The following NREP variants were observed in gnomAD, a reference collection of about 807,000 sequenced individuals.
The protein encoded by NREP is neuronal regeneration related protein, also known as neuronal regeneration-related protein.
NREP carries 5 observed loss-of-function variants against 8.6 expected under a neutral mutation model. The observed-to-expected ratio is 0.58, with a 90% CI of 0.30 to 1.22. NREP has a LOEUF of 1.22. NREP is among the 50% of genes most tolerant of loss of function. The pLI is 0.07. For missense variants in NREP, 86 were observed against 82.5 expected, an observed-to-expected ratio of 1.04 and a Z score of -0.17; for synonymous variants, 27 against 28.0, an observed-to-expected ratio of 0.96 and a Z score of 0.11.
chr5:111,755,721 A>T (rs757378490), intron 2 of NREP, 49 bp downstream of exon 2: 13 of 1,599,898 alleles, frequency 8.1e-6, no homozygotes, highest in Non-Finnish European at 1.1e-5. Context: ...TTTATATGTA[A>T]CAGACTGGTA....
At chr5:111,971,103 T>C (rs1750870759) in intron 2 of NREP, among the ~76,000 whole-genome samples, 1 of 152,190 alleles carries the variant, frequency 6.6e-6, no homozygotes. Flanking sequence ...ACACAGGAAT[T>C]CAATAGATTA....
intron 2 of NREP, among the ~76,000 whole-genome samples, chr5:111,941,513 C>A (rs954758418): frequency 6.6e-6 from 1 of 152,044 alleles, no homozygotes; most frequent in African/African-American, 2.4e-5. Flanking sequence ...TCCTCCTCTG[C>A]GCACTGTAAA....
At chr5:111,798,734 G>GGTGTGTGTGT (rs571252142) in intron 2 of NREP, among the ~76,000 whole-genome samples, 3 of 135,584 alleles carry the variant, frequency 2.2e-5, no homozygotes, top group African/African-American at 8.4e-5. Context: ...AGTATTCCAT[G>GGTGTGTGTGT]GTGTGTGTGT....
upstream of NREP, among the ~76,000 whole-genome samples, chr5:111,760,059 C>T (rs536650863): frequency 1.9e-4 from 29 of 152,298 alleles, no homozygotes; most frequent in African/African-American, 5.5e-4. Context: ...AGCAAAGTCA[C>T]GCAAAGATTG....
chr5:111,777,437 T>A (rs1751392434), intron 2 of NREP, among the ~76,000 whole-genome samples: 1 of 151,960 alleles, frequency 6.6e-6, no homozygotes, highest in African/African-American at 2.4e-5. Flanking sequence ...GGAAACCGGG[T>A]AGCTCACTTT....
At chr5:111,764,000 C>CA (rs1169016347) in intron 2 of NREP, among the ~76,000 whole-genome samples, 4 of 151,836 alleles carry the variant, frequency 2.6e-5, no homozygotes, top group Non-Finnish European at 2.9e-5. Context: ...GGTGGATTAA[C>CA]AAAAAAAACC....
chr5:111,888,177 T>C (rs1754306969), intron 2 of NREP, among the ~76,000 whole-genome samples: 1 of 152,238 alleles, frequency 6.6e-6, no homozygotes, highest in East Asian at 1.9e-4. Flanking sequence ...TCTTTTAAAT[T>C]ATGAAGCATT....
intron 2 of NREP, among the ~76,000 whole-genome samples, chr5:111,888,626 G>A (rs1206349647): frequency 6.6e-6 from 1 of 152,152 alleles, no homozygotes; most frequent in African/African-American, 2.4e-5. Context: ...AACCATACCA[G>A]TCTATGTCCC....
intron 2 of NREP, among the ~76,000 whole-genome samples, chr5:111,877,127 A>C (rs1047540880): frequency 6.6e-6 from 1 of 152,210 alleles, no homozygotes; most frequent in African/African-American, 2.4e-5. Context: ...CAAGTTACCT[A>C]AGCCAAATAT....
chr5:111,769,164 G>T (rs1468781368), intron 2 of NREP, among the ~76,000 whole-genome samples: 8 of 152,090 alleles, frequency 5.3e-5, no homozygotes, highest in Admixed American at 4.6e-4. Context: ...CATTACCTTT[G>T]GTGTGAAGCT....
chr5:111,792,303 G>T (rs1751767515), intron 2 of NREP, among the ~76,000 whole-genome samples: 3 of 152,002 alleles, frequency 2.0e-5, no homozygotes, highest in Admixed American at 2.0e-4. Context: ...AATTTGTGTT[G>T]TCTTATTTAG....
In NREP at chr5:111,809,759, C is replaced by T. The variant is rs552036148; in HGVS notation, c.136-74252G>A. 1.1e-3 allele frequency among the ~76,000 whole-genome samples: 160 copies of T among 152,122 alleles called. 1 individual carries two copies. Among genetic ancestry groups the T allele is most frequent in the Non-Finnish European group, 1.8e-3 (123 of 67,996 alleles). On this transcript the variant is annotated intron_variant, in intron 2 of 3. Coordinates refer to the NREP transcript ENST00000395634. Reference sequence around the variant, plus strand: ...TAAACCTTTTTTTAAAATAAATTACCCCATTTCTGATATTCTGTTATAACA... The same window carrying T: ...TAAACCTTTTTTTAAAATAAATTACTCCATTTCTGATATTCTGTTATAACA...
intron 2 of NREP, among the ~76,000 whole-genome samples, chr5:111,848,896 T>C (rs6864217): frequency 0.69 from 104,262 of 152,046 alleles, 36,030 homozygotes; most frequent in Non-Finnish European, 0.71. Flanking sequence ...AGTGTTTTCA[T>C]TTGCTTCAAT....
chr5:111,812,040 C>T (rs1581135122), intron 2 of NREP, among the ~76,000 whole-genome samples: 1 of 152,142 alleles, frequency 6.6e-6, no homozygotes, highest in Admixed American at 6.5e-5. Context: ...GTAATCGCAG[C>T]ACTTTGGGAG....
At chr5:111,924,165 G>A (rs1339573247) in intron 2 of NREP, among the ~76,000 whole-genome samples, 1 of 152,078 alleles carries the variant, frequency 6.6e-6, no homozygotes, top group African/African-American at 2.4e-5. Flanking sequence ...GGCAAAGCTG[G>A]GCCTTGGATT....
At chr5:111,882,582 A>G (rs892292927) in intron 2 of NREP, among the ~76,000 whole-genome samples, 1 of 152,194 alleles carries the variant, frequency 6.6e-6, no homozygotes, top group Admixed American at 6.5e-5. Flanking sequence ...GCCAGAGAGA[A>G]AGGCTGGGTT....
At chr5:111,945,122 C>T (rs1755940406) in intron 2 of NREP, among the ~76,000 whole-genome samples, 1 of 152,064 alleles carries the variant, frequency 6.6e-6, no homozygotes, top group Non-Finnish European at 1.5e-5. Flanking sequence ...GCACTCACTT[C>T]ATTCTTCATA....
At chr5:111,846,420 C>CTTTTTTTTTTTTTTTTTTTTTTTTGT (rs1753170830) in intron 2 of NREP, 1 of 44,414 alleles carries the variant, frequency 2.3e-5, no homozygotes, top group Non-Finnish European at 4.2e-5. Flanking sequence ...TTTTTGTTTG[C>CTTTTTTTTTTTTTTTTTTTTTTTTGT]TTTTTTTTTT....
chr5:111,884,087 A>T (rs1224890030), intron 2 of NREP, among the ~76,000 whole-genome samples: 1 of 152,336 alleles, frequency 6.6e-6, no homozygotes, highest in East Asian at 1.9e-4. Flanking sequence ...GAAGACCAAT[A>T]AAGAAGAAAA....
Sources: allele counts gnomAD v4.1 joint callset (sites outside exome capture counted in the v4.1 genomes callset), GRCh38; gene constraint gnomAD v4.1.1; transcripts MANE v1.5; gene names NCBI Gene and HGNC (gene_info 2026-07-23, HGNC 2026-07-21).